The following XPO4 variants were observed in gnomAD, a reference collection of about 807,000 sequenced individuals.
XPO4 encodes the protein exportin-4.
XPO4 carries 39 observed loss-of-function variants against 143.0 expected under a neutral mutation model. That is an observed-to-expected ratio of 0.27 (90% CI 0.21 to 0.36). XPO4 has a LOEUF of 0.36. XPO4 is among the 10% of genes least tolerant of loss of function. The probability of loss-of-function intolerance (pLI) is 1.00; values close to 1 mark genes in which losing one functional copy is unlikely to be tolerated. For synonymous variants in XPO4, 439 were observed against 474.0 expected (o/e 0.93, Z 0.96); for missense variants, 907 against 1,348.0 (o/e 0.67, Z 5.12).
intron 1 of XPO4, among the ~76,000 whole-genome samples, chr13:20,878,039 A>G (rs2060369550): frequency 2.0e-5 from 3 of 152,194 alleles, no homozygotes; most frequent in African/African-American, 7.2e-5. Flanking sequence ...TCTACTAAAA[A>G]TACAAAAATT....
At position 20,796,955 on chromosome 13, in the gene XPO4, G is replaced by T. The variant is rs1176105917; in HGVS notation, c.2425C>A (p.Leu809Ile). 6.2e-7 allele frequency: 1 copy of T among 1,614,032 alleles called. No homozygotes were observed. The highest frequency in any genetic ancestry group is 1.7e-5 in the Admixed American group (1 of 59,990). Residue 809 changes from leucine (L) to isoleucine (I), a missense_variant, in exon 17 of 23, where the codon CTA becomes ATA. By Grantham distance (5) the Leu-to-Ile change is conservative. Transcript: ENST00000255305. Reference protein sequence around the residue: ...EEVKQEITATLEALCGIAEAT... With the variant: ...EEVKQEITATIEALCGIAEAT... ...TCAGCAATGCCACACAGGGCCTCTA[G>T]TGTGGCAGTGATTTCCTGCTTGACT...
chr13:20,807,831 A>T (rs2059526984), intron 12 of XPO4, among the ~76,000 whole-genome samples, 197 bp from the exon 13 acceptor site: 1 of 152,194 alleles, frequency 6.6e-6, no homozygotes, highest in Admixed American at 6.5e-5. Context: ...ACAGAAAAGG[A>T]CAAATGTTTT....
intron 15 of XPO4, among the ~76,000 whole-genome samples, chr13:20,799,557 A>G (rs2059406223): frequency 6.6e-6 from 1 of 152,198 alleles, no homozygotes; most frequent in Non-Finnish European, 1.5e-5. Flanking sequence ...TCTATCAATC[A>G]TCACTTCTCT....
intron 1 of XPO4, among the ~76,000 whole-genome samples, chr13:20,884,956 T>G (rs370384215): frequency 1.3e-5 from 2 of 151,928 alleles, no homozygotes; most frequent in East Asian, 3.9e-4. Flanking sequence ...TTTGGTTTGT[T>G]TTTTTGTTTG....
chr13:20,839,289 A>G (rs775059226), intron 6 of XPO4, among the ~76,000 whole-genome samples: 20 of 152,306 alleles, frequency 1.3e-4, no homozygotes, highest in Non-Finnish European at 2.4e-4. Flanking sequence ...ACAAAGGACC[A>G]CATATTATAT....
intron 1 of XPO4, among the ~76,000 whole-genome samples, chr13:20,896,199 A>G (rs548241037): frequency 1.2e-4 from 19 of 152,214 alleles, no homozygotes; most frequent in Non-Finnish European, 1.9e-4. Flanking sequence ...AATAGTTGCT[A>G]CATCAAGTCC....
intron 19 of XPO4, among the ~76,000 whole-genome samples, chr13:20,789,054 T>C (rs2059242972): frequency 6.6e-6 from 1 of 152,244 alleles, no homozygotes; most frequent in African/African-American, 2.4e-5. Context: ...ATTCGGTCTT[T>C]ACACTTCCAA....
intron 1 of XPO4, among the ~76,000 whole-genome samples, chr13:20,890,289 A>G (rs1326009329): frequency 6.6e-6 from 1 of 151,902 alleles, no homozygotes. Flanking sequence ...GTCTCTACAA[A>G]AAATGCAAAA....
At chr13:20,823,434 T>C (rs1448468692) in intron 7 of XPO4, among the ~76,000 whole-genome samples, 2 of 152,220 alleles carry the variant, frequency 1.3e-5, no homozygotes, top group Admixed American at 6.5e-5. Context: ...AAGTAATCTC[T>C]AAACATTACA....
chr13:20,784,254 G>A (rs2059172966), intron 22 of XPO4, among the ~76,000 whole-genome samples: 1 of 152,172 alleles, frequency 6.6e-6, no homozygotes, highest in South Asian at 2.1e-4. Context: ...ACTTTGTTGT[G>A]CTGCCTCTTC....
chr13:20,902,111 A>G, intron 1 of XPO4: 1 of 985,370 alleles, frequency 1.0e-6, no homozygotes, highest in Non-Finnish European at 1.2e-6. Context: ...CTTGGTCTCA[A>G]CGATTCCCCT....
intron 1 of XPO4, among the ~76,000 whole-genome samples, chr13:20,882,688 G>C (rs2060423820): frequency 6.6e-6 from 1 of 152,044 alleles, no homozygotes; most frequent in Non-Finnish European, 1.5e-5. Flanking sequence ...AGGAGTTTGG[G>C]ACCAGCCTGG....
intron 6 of XPO4, among the ~76,000 whole-genome samples, chr13:20,833,028 A>G (rs2059871860): frequency 1.3e-5 from 2 of 152,330 alleles, no homozygotes; most frequent in Non-Finnish European, 1.5e-5. Context: ...CATACCACAC[A>G]TACCTGCCAA....
intron 1 of XPO4, among the ~76,000 whole-genome samples, chr13:20,891,790 G>A (rs1189970463): frequency 6.6e-6 from 1 of 151,704 alleles, no homozygotes; most frequent in Non-Finnish European, 1.5e-5. Context: ...TTGAACCCGG[G>A]AGGTGAAGGT....
intron 6 of XPO4, among the ~76,000 whole-genome samples, chr13:20,827,820 T>C (rs1485983283): frequency 6.6e-6 from 1 of 152,228 alleles, no homozygotes; most frequent in Non-Finnish European, 1.5e-5. Context: ...TGTTCAGGCA[T>C]TCAATTTCAA....
rs1404289866 is a variant in XPO4 at position 20,799,236 on chromosome 13, A to G, written c.2251T>C (p.Leu751=). 1.2e-6 allele frequency: 2 copies of G among 1,613,870 alleles called. No homozygotes were observed. The highest frequency in any genetic ancestry group is 1.7e-6 in the Non-Finnish European group (2 of 1,179,802). Residue 751 remains leucine, a synonymous_variant, in exon 16 of 23, where the codon TTG becomes CTG. Coordinates refer to ENST00000255305, the MANE Select transcript of XPO4 (RefSeq NM_022459.5). The stretch of plus-strand genomic sequence containing the variant: ...CCTCCTAAGACTAGAGCCTTCATCA[A>G]TGTCCTCTGCACAGGACTTGACAAG... The part of the protein sequence containing the change: ...NFLSSPVQRT[L]MKALVLGGFA...
At chr13:20,859,947 G>T in intron 3 of XPO4, 1 of 645,176 alleles carries the variant, frequency 1.5e-6, no homozygotes, top group Non-Finnish European at 1.9e-6. Flanking sequence ...GGCGACAAGG[G>T]GGAGAAAAGG....
chr13:20,830,684 A>G (rs2585900), intron 6 of XPO4, among the ~76,000 whole-genome samples: 124,191 of 152,108 alleles, frequency 0.82, 50,884 homozygotes, highest in East Asian at 1. Flanking sequence ...TATATGGAAC[A>G]GCATCATAAT....
At chr13:20,822,061 CT>C (rs1425266720) in intron 8 of XPO4, 70 bp downstream of exon 8, 130 of 1,496,758 alleles carry the variant, frequency 8.7e-5, no homozygotes, top group Non-Finnish European at 1.6e-5. Flanking sequence ...TAACTAGTTT[CT>C]TTTTTTCTTC....
Sources: gnomAD v4.1 joint callset for allele counts (sites outside exome capture counted in the v4.1 genomes callset) on GRCh38, gnomAD v4.1.1 for gene constraint, MANE v1.5 for transcripts, NCBI Gene and HGNC (gene_info 2026-07-23, HGNC 2026-07-21) for gene names.